The following NFX1 variants were observed in gnomAD, a reference collection of about 807,000 sequenced individuals.
NFX1 encodes the protein transcriptional repressor NF-X1.
Under a neutral mutation model 137.2 loss-of-function variants are expected in NFX1, and 69 were observed. That is an observed-to-expected ratio of 0.50 (90% CI 0.41 to 0.61). NFX1 has a LOEUF of 0.61. Among genes scored for constraint, NFX1 ranks in the 20% least tolerant of loss-of-function variants. NFX1 has a pLI of 0.00. For missense variants in NFX1, 1,167 were observed against 1,391.0 expected (o/e 0.84, Z 2.56); for synonymous variants, 495 against 474.1 (o/e 1.04, Z -0.57).
chr9:33,354,129 C>T lies in NFX1; in HGVS notation c.2773C>T (p.Leu925Phe). The stretch of plus-strand genomic sequence containing the variant: ...GGCCTCTAAGATAACAGACATGCAG[C>T]TTGGAGGTTCAGTGGAGATCAGCAA... ...SMASKITDMQLGGSVEISKLI... is the reference protein window; with the variant it reads ...SMASKITDMQFGGSVEISKLI... Residue 925 changes from leucine (L) to phenylalanine (F), a missense_variant, in exon 18 of 24, where the codon CTT becomes TTT. Physicochemically the swap from Leu to Phe is conservative, Grantham distance 22. Around this residue, in one of 3 missense-constraint regions of NFX1, gnomAD observed 312 missense variants for 312.8 expected, o/e 1.00. Transcript: ENST00000379540. 1 of 1,613,256 alleles carries T rather than the reference C, an allele frequency of 6.2e-7. No homozygotes were observed. The highest frequency in any genetic ancestry group is 8.5e-7 in the Non-Finnish European group (1 of 1,179,660).
intron 10 of NFX1, among the ~76,000 whole-genome samples, chr9:33,330,225 T>A (rs1394223769): frequency 6.6e-6 from 1 of 152,216 alleles, no homozygotes; most frequent in East Asian, 1.9e-4. Context: ...TCAACATTTG[T>A]CCCAGTAGAG....
Position 33,301,331 on chromosome 9 carries a change from A to G in NFX1, c.1102A>G (p.Thr368Ala). The G allele has an allele frequency of 6.2e-7, 1 of 1,614,222 alleles. No homozygotes were observed. The highest frequency in any genetic ancestry group is 8.5e-7 in the Non-Finnish European group (1 of 1,180,044). The change falls in exon 3 of 24, where the codon ACG becomes GCG. Residue 368 changes from threonine (T) to alanine (A), a missense_variant. Coordinates refer to ENST00000379540, the MANE Select transcript of NFX1 (RefSeq NM_002504.6). ...CMVCCELVRV[T>A]APVWSCQSCY... ...GGTGTGCTGTGAATTGGTTCGTGTCACGGCCCCAGTGTGGAGTTGTCAGAG... is the reference window on the plus strand; with the variant it reads ...GGTGTGCTGTGAATTGGTTCGTGTCGCGGCCCCAGTGTGGAGTTGTCAGAG...
intron 1 of NFX1, among the ~76,000 whole-genome samples, chr9:33,291,135 G>C (rs1203384120): frequency 6.6e-6 from 1 of 152,182 alleles, no homozygotes; most frequent in Admixed American, 6.5e-5. Context: ...TACCTATTCT[G>C]TAATTGTTCA....
intron 7 of NFX1, among the ~76,000 whole-genome samples, chr9:33,318,127 A>T (rs773576567): frequency 4.6e-5 from 7 of 152,094 alleles, no homozygotes; most frequent in Admixed American, 1.3e-4. Context: ...TAAAAATGTG[A>T]TGTTTTTATA....
chr9:33,307,395 A>G (rs929729850), intron 5 of NFX1, 96 bp downstream of exon 5: 1 of 1,020,566 alleles, frequency 9.8e-7, no homozygotes, highest in Non-Finnish European at 1.5e-6. Context: ...ATGGTTTGGG[A>G]TGAAGGGTGA....
intron 2 of NFX1, among the ~76,000 whole-genome samples, chr9:33,296,205 G>A (rs1821349871): frequency 1.3e-5 from 2 of 152,196 alleles, no homozygotes; most frequent in South Asian, 2.1e-4. Flanking sequence ...TTACAGGCGT[G>A]AGCCACTGCG....
At chr9:33,320,315 G>A (rs1286083317) in intron 9 of NFX1, among the ~76,000 whole-genome samples, 2 of 152,196 alleles carry the variant, frequency 1.3e-5, no homozygotes, top group Admixed American at 6.5e-5. Flanking sequence ...AGAGTTTACT[G>A]AAGGTGTTGT....
intron 11 of NFX1, among the ~76,000 whole-genome samples, chr9:33,332,968 C>T (rs1822864558): frequency 6.6e-6 from 1 of 152,200 alleles, no homozygotes; most frequent in Non-Finnish European, 1.5e-5. Context: ...GCCTCAGCCT[C>T]CCAAGTAGCT....
rs201013313 is a variant in NFX1 at position 33,295,098 on chromosome 9, G to A, written c.704G>A (p.Arg235Gln). 8.1e-6 allele frequency: 13 copies of A among 1,614,146 alleles called. No homozygotes were observed. In the East Asian group the frequency reaches 1.3e-4, roughly 17 times the overall value. The change falls in exon 2 of 24, where the codon CGA becomes CAA. Residue 235 changes from arginine (R) to glutamine (Q), a missense_variant. Physicochemically the swap from Arg to Gln is conservative, Grantham distance 43. Coordinates refer to ENST00000379540, the MANE Select transcript of NFX1 (RefSeq NM_002504.6). ...GTATTGGATGGGTATGGAGCCAGACGAAATGAGCAGAGAAGATACCCACAG... is the reference window on the plus strand; with the variant it reads ...GTATTGGATGGGTATGGAGCCAGACAAAATGAGCAGAGAAGATACCCACAG... ...KGVLDGYGAR[R>Q]NEQRRYPQKR...
chr9:33,314,569 C>G (rs1249493097), intron 7 of NFX1, among the ~76,000 whole-genome samples: 1 of 151,658 alleles, frequency 6.6e-6, no homozygotes, highest in Non-Finnish European at 1.5e-5. Flanking sequence ...CCCAGCTATT[C>G]GGGAGGCTGA....
chr9:33,318,282 A>T (rs1822249797), intron 7 of NFX1, among the ~76,000 whole-genome samples: 1 of 152,172 alleles, frequency 6.6e-6, no homozygotes, highest in Admixed American at 6.6e-5. Context: ...TGAAGTGAGG[A>T]TGGGAAATCC....
Position 33,357,170 on chromosome 9 carries a change from C to T in NFX1, c.2873+2278C>T, listed in dbSNP as rs377168957. Among the ~76,000 whole-genome samples the T allele has an allele frequency of 3.2e-4, 48 of 151,650 alleles. No individual in the cohort carries two copies. The East Asian group carries it at 7.4e-3, about 23-fold the overall frequency. On this transcript the variant is annotated intron_variant, in intron 19 of 23. Coordinates refer to ENST00000379540, the MANE Select transcript of NFX1 (RefSeq NM_002504.6). ...ACAAAAAATTAGCCGGGCATGGTGG[C>T]GGGCACTTGTAGTCCCAGCTACTCG... is the stretch of plus-strand genomic sequence containing the variant.
intron 19 of NFX1, among the ~76,000 whole-genome samples, chr9:33,363,562 G>T (rs1033087920): frequency 6.6e-6 from 1 of 152,132 alleles, no homozygotes; most frequent in African/African-American, 2.4e-5. Context: ...AGGATTACTG[G>T]TGTGAGCCAC....
At chr9:33,346,342 T>C (rs530389866) in intron 14 of NFX1, among the ~76,000 whole-genome samples, 1 of 152,348 alleles carries the variant, frequency 6.6e-6, no homozygotes, top group East Asian at 1.9e-4. Flanking sequence ...TTCTTAAGTG[T>C]TTATTGTATT....
intron 4 of NFX1, 92 bp downstream of exon 4, chr9:33,303,360 T>C (rs1821642158): frequency 9.5e-7 from 1 of 1,049,928 alleles, no homozygotes; most frequent in African/African-American, 1.6e-5. Flanking sequence ...TTTTAGAAGT[T>C]ACTAATGAGA....
chr9:33,330,313 G>T (rs79470721), intron 10 of NFX1, among the ~76,000 whole-genome samples: 3,211 of 152,228 alleles, frequency 0.021, 129 homozygotes, highest in African/African-American at 0.073. Flanking sequence ...CATCTGACTT[G>T]CGAATAATTC....
intron 19 of NFX1, among the ~76,000 whole-genome samples, chr9:33,355,787 G>T (rs1352103031): frequency 6.6e-6 from 1 of 151,806 alleles, no homozygotes; most frequent in African/African-American, 2.4e-5. Context: ...TGGCATTACA[G>T]GTGTGTACCA....
intron 9 of NFX1, among the ~76,000 whole-genome samples, chr9:33,324,077 CA>C (rs1822488628): frequency 6.6e-6 from 1 of 151,978 alleles, no homozygotes; most frequent in African/African-American, 2.4e-5. Flanking sequence ...CCTATCTCTA[CA>C]AAAAATTTTA....
intron 23 of NFX1, among the ~76,000 whole-genome samples, chr9:33,368,457 T>G (rs1824234231): frequency 6.6e-6 from 1 of 152,238 alleles, no homozygotes; most frequent in East Asian, 1.9e-4. Flanking sequence ...GGGAAGGAGC[T>G]CTGAGAGTTG....
Sources: allele counts gnomAD v4.1 joint callset (sites outside exome capture counted in the v4.1 genomes callset), GRCh38; gene constraint gnomAD v4.1.1; regional missense constraint gnomAD v4.1.1; transcripts MANE v1.5; gene names NCBI Gene and HGNC (gene_info 2026-07-23, HGNC 2026-07-21).